The following MACROD2 variants were observed in gnomAD, a reference collection of about 807,000 sequenced individuals.
MACROD2 encodes mono-ADP ribosylhydrolase 2.
Under a neutral mutation model 70.4 loss-of-function variants are expected in MACROD2, and 36 were observed. The ratio of observed to expected loss-of-function variants is 0.51; its 90% CI spans 0.39 to 0.68. The LOEUF is 0.68. MACROD2 is among the 30% of genes least tolerant of loss of function. The pLI is 0.00. For missense variants in MACROD2, 496 were observed against 538.4 expected (o/e 0.92, Z 0.78); for synonymous variants, 172 against 178.8 (o/e 0.96, Z 0.30).
chr20:14,508,142 A>G (rs2084989832), intron 4 of MACROD2, among the ~76,000 whole-genome samples: 2 of 152,224 alleles, frequency 1.3e-5, no homozygotes, highest in Admixed American at 1.3e-4. Flanking sequence ...TCAAGAAACA[A>G]GAGTTTCACC....
At chr20:15,294,874 CT>C (rs1197319612) in intron 6 of MACROD2, among the ~76,000 whole-genome samples, 2 of 152,204 alleles carry the variant, frequency 1.3e-5, no homozygotes, top group Non-Finnish European at 2.9e-5. Flanking sequence ...CAAAAACACT[CT>C]CTTTAGGCAT....
chr20:15,819,237 A>G (rs117767505), intron 8 of MACROD2, among the ~76,000 whole-genome samples: 5,693 of 145,378 alleles, frequency 0.039, 157 homozygotes, highest in Non-Finnish European at 0.059. Context: ...ATTTATATAT[A>G]CAAACATATA....
intron 15 of MACROD2, among the ~76,000 whole-genome samples, chr20:16,030,758 T>G (rs2067141462): frequency 2.0e-5 from 3 of 152,074 alleles, no homozygotes; most frequent in Non-Finnish European, 4.4e-5. Flanking sequence ...ATTTTCACAG[T>G]GAAAATATAA....
chr20:14,211,856 A>C (rs2081574244), intron 3 of MACROD2, among the ~76,000 whole-genome samples: 1 of 152,170 alleles, frequency 6.6e-6, no homozygotes, highest in Non-Finnish European at 1.5e-5. Context: ...AGGTGGTAAT[A>C]GTCACTACAG....
rs531051240 is a variant in MACROD2, at chr20:15,646,544, G to A, written c.645+146697G>A. Among the ~76,000 whole-genome samples, 75 of 152,294 alleles carry A rather than the reference G, an allele frequency of 4.9e-4. 1 individual carries two copies. In the South Asian group the frequency reaches 0.015, roughly 30 times the overall value. On this transcript the variant is annotated intron_variant, in intron 8 of 17. Transcript: ENST00000684519. ...TCTGGTTAAGGTTACATAGTGATAT[G>A]GTTAGGCTTTGTGTCTCCACCCAAA...
At chr20:14,329,901 G>A (rs1226761764) in intron 3 of MACROD2, among the ~76,000 whole-genome samples, 1 of 151,980 alleles carries the variant, frequency 6.6e-6, no homozygotes, top group Non-Finnish European at 1.5e-5. Context: ...TTTCTCTTTA[G>A]GGGTGTATCT....
At chr20:14,914,587 G>A (rs1436896716) in intron 5 of MACROD2, among the ~76,000 whole-genome samples, 2 of 152,200 alleles carry the variant, frequency 1.3e-5, no homozygotes, top group Non-Finnish European at 2.9e-5. Context: ...TAAAAGAGCA[G>A]TTAGGGATCC....
At chr20:14,065,353 T>C (rs2053743343) in intron 2 of MACROD2, among the ~76,000 whole-genome samples, 1 of 152,224 alleles carries the variant, frequency 6.6e-6, no homozygotes, top group Non-Finnish European at 1.5e-5. Flanking sequence ...GCTCACCTAA[T>C]TTTTTAGTGC....
intron 6 of MACROD2, among the ~76,000 whole-genome samples, chr20:15,311,765 G>A (rs1406998195): frequency 2.6e-5 from 4 of 151,994 alleles, no homozygotes; most frequent in East Asian, 1.9e-4. Context: ...TGACACAATC[G>A]ACACTGGGGA....
At chr20:15,011,424 T>A (rs1403191715) in intron 5 of MACROD2, among the ~76,000 whole-genome samples, 1 of 152,198 alleles carries the variant, frequency 6.6e-6, no homozygotes, top group African/African-American at 2.4e-5. Context: ...AATAATAACT[T>A]TCCTATATTA....
chr20:14,669,433 C>T (rs2070771153), intron 4 of MACROD2, among the ~76,000 whole-genome samples: 2 of 148,642 alleles, frequency 1.3e-5, no homozygotes, highest in Non-Finnish European at 2.9e-5. Context: ...ATTTTTAATC[C>T]TTTATCATCT....
intron 8 of MACROD2, among the ~76,000 whole-genome samples, chr20:15,640,855 G>A (rs2049449146): frequency 1.3e-5 from 2 of 152,190 alleles, no homozygotes; most frequent in Admixed American, 1.3e-4. Flanking sequence ...CAGGCTGACA[G>A]TGAGACAGAG....
At chr20:15,952,674 T>G (rs2065922451) in intron 12 of MACROD2, among the ~76,000 whole-genome samples, 1 of 152,160 alleles carries the variant, frequency 6.6e-6, no homozygotes, top group African/African-American at 2.4e-5. Flanking sequence ...GATTCTTTCC[T>G]GGGGGCTTCT....
At chr20:15,835,665 T>C (rs1865608736) in intron 8 of MACROD2, among the ~76,000 whole-genome samples, 2 of 152,172 alleles carry the variant, frequency 1.3e-5, no homozygotes, top group Non-Finnish European at 2.9e-5. Context: ...TATCTACATG[T>C]ATGTGAAATA....
At chr20:14,082,826 A>G (rs2054017175) in intron 2 of MACROD2, among the ~76,000 whole-genome samples, 1 of 152,130 alleles carries the variant, frequency 6.6e-6, no homozygotes. Flanking sequence ...CAAAGCCACC[A>G]AATGTTTATT....
At chr20:14,848,390 G>A (rs1206300550) in intron 5 of MACROD2, among the ~76,000 whole-genome samples, 2 of 152,084 alleles carry the variant, frequency 1.3e-5, no homozygotes, top group Non-Finnish European at 2.9e-5. Context: ...TCTTCTCAAG[G>A]CATCCTCTGA....
intron 4 of MACROD2, among the ~76,000 whole-genome samples, chr20:14,647,652 T>G (rs913880117): frequency 4.6e-5 from 7 of 152,204 alleles, no homozygotes; most frequent in African/African-American, 1.4e-4. Flanking sequence ...ATTTCATTTC[T>G]AAATGTACCC....
intron 5 of MACROD2, among the ~76,000 whole-genome samples, chr20:14,910,020 G>A (rs1220488070): frequency 6.6e-6 from 1 of 152,140 alleles, no homozygotes. Context: ...TCTTGCTAAT[G>A]ATACTCACTT....
rs532738672 is a variant in MACROD2 at position 14,644,891 on chromosome 20, T to G, written c.302-39952T>G. ...CAAAAACAAACAAAATTGGGACAGG[T>G]GAGAGGCAGTGGCATGGAAGGGAGT... On this transcript the variant is annotated intron_variant, in intron 4 of 17. Transcript: ENST00000684519. Among the ~76,000 whole-genome samples, 32 of 152,092 alleles carry G rather than the reference T, an allele frequency of 2.1e-4. 1 individual carries two copies. In the South Asian group the frequency reaches 6.2e-3, roughly 30 times the overall value.
Sources: gnomAD v4.1 joint callset for allele counts (sites outside exome capture counted in the v4.1 genomes callset) on GRCh38, gnomAD v4.1.1 for gene constraint, MANE v1.5 for transcripts, NCBI Gene and HGNC (gene_info 2026-07-23, HGNC 2026-07-21) for gene names.